Variants in SHISA6 observed in about 807,000 individuals in gnomAD.
The protein encoded by SHISA6 is protein shisa-6.
A neutral mutation model predicts 47.9 loss-of-function variants in SHISA6; 22 were observed. The ratio of observed to expected loss-of-function variants is 0.46; its 90% CI spans 0.33 to 0.66. The LOEUF is 0.66. Among genes scored for constraint, SHISA6 ranks in the 30% least tolerant of loss-of-function variants. The probability of loss-of-function intolerance (pLI) is 0.02; values close to 1 mark genes in which losing one functional copy is unlikely to be tolerated. For synonymous variants in SHISA6, 388 were observed against 337.8 expected (o/e 1.15, Z -1.63); for missense variants, 680 against 764.6 (o/e 0.89, Z 1.30).
chr17:11,536,621 A>G (rs1161551904), intron 3 of SHISA6, among the ~76,000 whole-genome samples: 3 of 152,144 alleles, frequency 2.0e-5, no homozygotes, highest in Non-Finnish European at 4.4e-5. Context: ...TTCAGAGGGA[A>G]TATCATAGGC....
At chr17:11,351,071 C>T (rs554702862) in intron 2 of SHISA6, among the ~76,000 whole-genome samples, 1 of 152,056 alleles carries the variant, frequency 6.6e-6, no homozygotes. Flanking sequence ...TGTTCTCACT[C>T]ATAAGTGGGA....
chr17:11,505,386 T>C lies in SHISA6; in HGVS notation c.896-46510T>C, dbSNP rs570897227. Among the ~76,000 whole-genome samples the C allele has an allele frequency of 1.2e-3, 188 of 152,316 alleles. 4 individuals are homozygous for C. The South Asian group carries it at 0.034, about 28-fold the overall frequency. On this transcript the variant is annotated intron_variant, in intron 3 of 5. Transcript: ENST00000441885. ...TTCCTGTCTGTTAACCTTGTAGGGA[T>C]AGACATGGAGTGGGATGTAGCTGTG...
intron 1 of SHISA6, among the ~76,000 whole-genome samples, chr17:11,256,844 C>T (rs1261366344): frequency 6.6e-6 from 1 of 152,146 alleles, no homozygotes; most frequent in Non-Finnish European, 1.5e-5. Context: ...TGAATTGGGC[C>T]CCCAGGGGAT....
chr17:11,493,580 C>T (rs964884828), intron 3 of SHISA6, among the ~76,000 whole-genome samples: 6 of 151,952 alleles, frequency 3.9e-5, no homozygotes, highest in South Asian at 2.1e-4. Flanking sequence ...CGCGTGCGCG[C>T]GCACACACAC....
chr17:11,493,182 C>T (rs2071379162), intron 3 of SHISA6, among the ~76,000 whole-genome samples: 1 of 152,126 alleles, frequency 6.6e-6, no homozygotes, highest in Admixed American at 6.6e-5. Flanking sequence ...GACCACTTAG[C>T]CAAATAGGAC....
rs565093517 is a variant in SHISA6 at position 11,486,666 on chromosome 17, A to G, written c.896-65230A>G. ...CACCACCCAAGGTGAGACCATAAAT[A>G]GACATGCTGAGGAAGAGTTTTCCGT... On this transcript the variant is annotated intron_variant, in intron 3 of 5. Transcript: ENST00000441885. 1.6e-4 allele frequency among the ~76,000 whole-genome samples: 25 copies of G among 152,316 alleles called. No individual in the cohort carries two copies. In the South Asian group the frequency reaches 4.1e-3, roughly 25 times the overall value.
intron 3 of SHISA6, among the ~76,000 whole-genome samples, chr17:11,433,472 C>T (rs899206779): frequency 1.1e-4 from 16 of 152,056 alleles, no homozygotes; most frequent in African/African-American, 3.9e-4. Flanking sequence ...TTTCTTTATC[C>T]AGGCTGTCAT....
In SHISA6 at chr17:11,383,001, G is replaced by A. The variant is rs141795329; in HGVS notation, c.895+3492G>A. Among the ~76,000 whole-genome samples, 59 of 127,508 alleles carry A rather than the reference G, an allele frequency of 4.6e-4. No individual in the cohort carries two copies. The East Asian group carries it at 0.014, about 30-fold the overall frequency. 83.7% of individuals were successfully genotyped at this position (127,508 alleles called of 152,430 possible). ...ACCTAAGGCTGGAGTGCAGTGGCAC[G>A]ATTGTGGCTCACTGCAACCTCTGTC... On this transcript the variant is annotated intron_variant, in intron 3 of 5. Coordinates refer to ENST00000441885, the MANE Select transcript of SHISA6 (RefSeq NM_207386.4).
chr17:11,306,243 A>C (rs1910104603), intron 2 of SHISA6, among the ~76,000 whole-genome samples: 1 of 152,142 alleles, frequency 6.6e-6, no homozygotes, highest in Admixed American at 6.5e-5. Context: ...CCAGAGGTTG[A>C]AAAAGGAAAG....
chr17:11,366,552 TAG>T (rs1912457087), intron 2 of SHISA6, among the ~76,000 whole-genome samples: 1 of 152,202 alleles, frequency 6.6e-6, no homozygotes, highest in African/African-American at 2.4e-5. Flanking sequence ...GCAGAGAATC[TAG>T]AGAGTCGATG....
At chr17:11,277,123 G>A (rs1489621411) in intron 2 of SHISA6, among the ~76,000 whole-genome samples, 1 of 152,094 alleles carries the variant, frequency 6.6e-6, no homozygotes, top group Admixed American at 6.5e-5. Flanking sequence ...AATTGGAAAT[G>A]TTTGAGTTTT....
intron 3 of SHISA6, among the ~76,000 whole-genome samples, chr17:11,461,423 AC>A (rs1401787519): frequency 6.7e-6 from 1 of 148,760 alleles, no homozygotes; most frequent in Non-Finnish European, 1.5e-5. Context: ...AAAAAAAGGT[AC>A]CTGGGATTTG....
At chr17:11,343,301 G>A (rs924185537) in intron 2 of SHISA6, among the ~76,000 whole-genome samples, 1 of 152,130 alleles carries the variant, frequency 6.6e-6, no homozygotes. Context: ...TGATGTCATC[G>A]GTTTAATTCC....
chr17:11,432,108 T>C (rs929363577), intron 3 of SHISA6, among the ~76,000 whole-genome samples: 3 of 152,020 alleles, frequency 2.0e-5, no homozygotes, highest in African/African-American at 7.3e-5. Context: ...TCCATGAAAA[T>C]GGAAGTTGAG....
intron 3 of SHISA6, among the ~76,000 whole-genome samples, chr17:11,476,082 A>C (rs1916044295): frequency 6.6e-6 from 1 of 151,986 alleles, no homozygotes; most frequent in African/African-American, 2.4e-5. Context: ...AGAGTTTTTC[A>C]TAGTACTTCT....
chr17:11,420,139 G>T (rs1042579152), intron 3 of SHISA6, among the ~76,000 whole-genome samples: 1 of 152,194 alleles, frequency 6.6e-6, no homozygotes, highest in Non-Finnish European at 1.5e-5. Flanking sequence ...AGAAGGCAGA[G>T]GTTGCAGTGA....
At chr17:11,414,257 G>C (rs1425114417) in intron 3 of SHISA6, among the ~76,000 whole-genome samples, 3 of 152,138 alleles carry the variant, frequency 2.0e-5, no homozygotes. Context: ...CTGCAAAACA[G>C]TATTGGGACA....
intron 1 of SHISA6, among the ~76,000 whole-genome samples, chr17:11,262,052 G>A (rs1285011225): frequency 6.6e-6 from 1 of 152,080 alleles, no homozygotes; most frequent in Non-Finnish European, 1.5e-5. Flanking sequence ...TTACAGTTTT[G>A]GGACTAATAT....
At chr17:11,374,560 C>T (rs1371118870) in intron 2 of SHISA6, among the ~76,000 whole-genome samples, 1 of 151,686 alleles carries the variant, frequency 6.6e-6, no homozygotes, top group Non-Finnish European at 1.5e-5. Context: ...GTATATTTTT[C>T]CCCTATTTAG....
Sources: gnomAD v4.1 joint callset for allele counts (sites outside exome capture counted in the v4.1 genomes callset) on GRCh38, gnomAD v4.1.1 for gene constraint, MANE v1.5 for transcripts, NCBI Gene and HGNC (gene_info 2026-07-23, HGNC 2026-07-21) for gene names.